The following NPHP4 variants were observed in gnomAD, a reference collection of about 807,000 sequenced individuals.
NPHP4 encodes the protein nephrocystin 4.
Under a neutral mutation model 155.8 loss-of-function variants are expected in NPHP4, and 151 were observed. That is an observed-to-expected ratio of 0.97 (90% CI 0.85 to 1.11). The LOEUF (loss-of-function observed/expected upper bound fraction) is 1.11. Ranked by LOEUF, NPHP4 falls within the 50% of genes least tolerant of loss-of-function variation. The pLI is 0.00. For missense variants in NPHP4, 1,956 were observed against 1,925.7 expected, an observed-to-expected ratio of 1.02 and a Z score of -0.29; for synonymous variants, 845 against 816.8, an observed-to-expected ratio of 1.03 and a Z score of -0.59.
In NPHP4 at chr1:5,972,064, T is replaced by C. The variant is rs547895782; in HGVS notation, c.280-2805A>G. 2.6e-5 allele frequency among the ~76,000 whole-genome samples: 4 copies of C among 152,384 alleles called. No homozygotes were observed. The South Asian group carries it at 8.3e-4, about 32-fold the overall frequency. On this transcript the variant is annotated intron_variant, in intron 3 of 29. Transcript: ENST00000378156. Reference sequence around the variant, plus strand: ...AAGTGGAATTGGGCCTCTGCCGATGTGCCTGGATGAAGAGGCCGCAGCCGG... The same window carrying C: ...AAGTGGAATTGGGCCTCTGCCGATGCGCCTGGATGAAGAGGCCGCAGCCGG...
intron 16 of NPHP4, among the ~76,000 whole-genome samples, chr1:5,904,394 T>C (rs1644814268): frequency 1.3e-5 from 2 of 152,240 alleles, no homozygotes; most frequent in African/African-American, 4.8e-5. Context: ...TTATATAATG[T>C]CTGGGATTTG....
At chr1:5,959,990 C>T (rs1307501771) in intron 6 of NPHP4, among the ~76,000 whole-genome samples, 5 of 152,214 alleles carry the variant, frequency 3.3e-5, no homozygotes, top group Non-Finnish European at 5.9e-5. Context: ...CATCTCACAG[C>T]GGCGCCTACA....
intron 11 of NPHP4, among the ~76,000 whole-genome samples, chr1:5,926,169 C>A (rs1305028433): frequency 6.6e-6 from 1 of 152,068 alleles, no homozygotes; most frequent in East Asian, 1.9e-4. Context: ...AAACAGAAAT[C>A]TTGAGAACAA....
At position 5,947,104 on chromosome 1, in the gene NPHP4, A is replaced by T; in HGVS notation, c.1119T>A (p.Asn373Lys). Residue 373 changes from asparagine to lysine, a missense_variant and splice_region_variant, in exon 9 of 30, where the codon AAT becomes AAA. By Grantham distance (94) the Asn-to-Lys change is moderately conservative. Coordinates refer to ENST00000378156, the MANE Select transcript of NPHP4 (RefSeq NM_015102.5). ...VFSSPAGVDG[N>K]AASVTSLSNL... ...CCGAGTGCAAAAGGGCTGTTCTTACATTGCCGTCCACTCCTGCAGGGCTGC... is the reference window on the plus strand; with the variant it reads ...CCGAGTGCAAAAGGGCTGTTCTTACTTTGCCGTCCACTCCTGCAGGGCTGC... The T allele has an allele frequency of 6.2e-7, 1 of 1,613,994 alleles. No individual in the cohort carries two copies. Among genetic ancestry groups the T allele is most frequent in the Non-Finnish European group, 8.5e-7 (1 of 1,179,874 alleles).
chr1:5,927,712 C>T lies in NPHP4; in HGVS notation c.1378G>A (p.Glu460Lys), dbSNP rs1646078352. Residue 460 changes from glutamate to lysine, a missense_variant, in exon 11 of 30, where the codon GAG (glutamate) becomes AAG (lysine). Glu to Lys is a moderately conservative substitution (Grantham distance 56, BLOSUM62 1). Coordinates refer to ENST00000378156, the MANE Select transcript of NPHP4 (RefSeq NM_015102.5). ...TCCACTTTGGGGCCACTGACAGGCT[C>T]CGTGGGTGCATCCAGGTGTTCTTCT... ...GSEEHLDAPT[E>K]PVSGPKVERR... 6.2e-7 allele frequency: 1 copy of T among 1,613,614 alleles called. No homozygotes were observed. Among genetic ancestry groups the T allele is most frequent in the African/African-American group, 1.3e-5 (1 of 75,002 alleles).
intron 7 of NPHP4, among the ~76,000 whole-genome samples, chr1:5,951,253 G>A (rs1051008573): frequency 1.8e-4 from 28 of 152,216 alleles, no homozygotes; most frequent in Non-Finnish European, 3.2e-4. Context: ...GTGTCGCGCA[G>A]TCACACAATT....
rs1286058675 is a variant in NPHP4 at position 5,939,197 on chromosome 1, A to G, written c.1120-5868T>C. Among the ~76,000 whole-genome samples the G allele has an allele frequency of 2.0e-5, 3 of 152,360 alleles. No homozygotes were observed. In the South Asian group the frequency reaches 6.2e-4, roughly 32 times the overall value. ...TCATGTTATTCTACTGAGTGCAGTAATTATTTTTAAAAATATACATGAATA... is the reference window on the plus strand; with the variant it reads ...TCATGTTATTCTACTGAGTGCAGTAGTTATTTTTAAAAATATACATGAATA... On this transcript the variant is annotated intron_variant, in intron 9 of 29. Transcript: ENST00000378156.
intron 16 of NPHP4, among the ~76,000 whole-genome samples, chr1:5,899,631 C>T (rs1442820855): frequency 6.6e-6 from 1 of 152,090 alleles, no homozygotes; most frequent in Non-Finnish European, 1.5e-5. Context: ...GGATCACAGA[C>T]CTAAATGTAA....
rs12142270 is a variant in NPHP4 at position 5,986,204 on chromosome 1, G to A, written c.86C>T (p.Thr29Met). The change falls in exon 2 of 30, where the codon ACG (threonine) becomes ATG (methionine). Residue 29 changes from threonine to methionine, a missense_variant. Physicochemically the swap from Thr to Met is moderately conservative, Grantham distance 81. Coordinates refer to ENST00000378156, the MANE Select transcript of NPHP4 (RefSeq NM_015102.5). Reference protein sequence around the residue: ...QRARQPWKESTAFQCVLKWLD... With the variant: ...QRARQPWKESMAFQCVLKWLD... ...CCACTTGAGGACACACTGGAATGCC[G>A]TGGATTCCTTCCAAGGCTGGCGCGC... 0.029 allele frequency: 46,131 copies of A among 1,613,662 alleles called. 922 individuals are homozygous for A. The highest frequency in any genetic ancestry group is 0.089 in the African/African-American group (6,641 of 75,010).
At chr1:5,926,105 G>A (rs1269619512) in intron 11 of NPHP4, among the ~76,000 whole-genome samples, 1 of 152,166 alleles carries the variant, frequency 6.6e-6, no homozygotes, top group Non-Finnish European at 1.5e-5. Context: ...AAGGGGGACT[G>A]TACATTTCAG....
At chr1:5,934,041 G>C (rs911165785) in intron 9 of NPHP4, among the ~76,000 whole-genome samples, 1 of 152,146 alleles carries the variant, frequency 6.6e-6, no homozygotes, top group African/African-American at 2.4e-5. Flanking sequence ...ACTGAGTAAA[G>C]AGTTTTAAAA....
intron 4 of NPHP4, among the ~76,000 whole-genome samples, chr1:5,968,655 T>C (rs1463745355): frequency 2.6e-5 from 4 of 151,128 alleles, no homozygotes; most frequent in Non-Finnish European, 5.9e-5. Flanking sequence ...ACTATGCTAT[T>C]ATGGACACAC....
chr1:5,919,184 A>G (rs1443677619), intron 11 of NPHP4, among the ~76,000 whole-genome samples: 2 of 152,248 alleles, frequency 1.3e-5, no homozygotes, highest in African/African-American at 4.8e-5. Flanking sequence ...TTACAGAAAA[A>G]GTTTGCTGAC....
At chr1:5,939,600 G>A (rs972360894) in intron 9 of NPHP4, among the ~76,000 whole-genome samples, 1 of 152,212 alleles carries the variant, frequency 6.6e-6, no homozygotes, top group Non-Finnish European at 1.5e-5. Context: ...GGGTCTCACA[G>A]AGCCAATGAA....
chr1:5,938,202 C>T (rs1646643791), intron 9 of NPHP4, among the ~76,000 whole-genome samples: 1 of 152,234 alleles, frequency 6.6e-6, no homozygotes, highest in African/African-American at 2.4e-5. Context: ...GAGGGCAAGT[C>T]CTTCCCGATG....
rs765362664 is a variant in NPHP4, at chr1:5,933,307, G to A, written c.1142C>T (p.Ser381Phe). ...GACCATGTGCATGCATGCCAGGTTG[G>A]ACAGAGAGGTGACCGAAGCTGCCTA... ...DGNAASVTSL[S>F]NLACMHMVRW... Residue 381 changes from serine (S) to phenylalanine (F), a missense_variant, in exon 10 of 30, where the codon TCC (serine) becomes TTC (phenylalanine). Transcript: ENST00000378156. The A allele has an allele frequency of 1.2e-6, 2 of 1,613,078 alleles. No individual in the cohort carries two copies. Among genetic ancestry groups the A allele is most frequent in the Non-Finnish European group, 1.7e-6 (2 of 1,179,816 alleles).
intron 2 of NPHP4, among the ~76,000 whole-genome samples, chr1:5,981,035 G>A (rs1477209150): frequency 6.6e-6 from 1 of 152,084 alleles, no homozygotes; most frequent in Non-Finnish European, 1.5e-5. Context: ...CATCTACAAC[G>A]TGAGCTCTCT....
chr1:5,938,270 G>A (rs893942424), intron 9 of NPHP4, among the ~76,000 whole-genome samples: 1 of 152,228 alleles, frequency 6.6e-6, no homozygotes, highest in South Asian at 2.1e-4. Context: ...CCCTTGAGGC[G>A]AACTTCACAA....
Position 5,890,995 on chromosome 1 carries a change from C to G in NPHP4, c.2177G>C (p.Gly726Ala). The G allele has an allele frequency of 6.4e-7, 1 of 1,574,492 alleles. No homozygotes were observed. ...CTCACCTGGCTTCAGGAACCCAGGG[C>G]CCACCATGTACCTCAGCTGGAAGCC... ...SPGFQLRYMV[G>A]PGFLKPGERR... Residue 726 changes from glycine (G) to alanine (A), a missense_variant, in exon 17 of 30, where the codon GGC (glycine) becomes GCC (alanine). Coordinates refer to ENST00000378156, the MANE Select transcript of NPHP4 (RefSeq NM_015102.5). This position sits in a 1 kb window ranked among gnomAD's most constrained non-coding sequence, Gnocchi z 4.9.
Sources: allele counts gnomAD v4.1 joint callset (sites outside exome capture counted in the v4.1 genomes callset), GRCh38; gene constraint gnomAD v4.1.1; non-coding constraint Gnocchi (gnomAD v3.1); transcripts MANE v1.5; gene names NCBI Gene and HGNC (gene_info 2026-07-23, HGNC 2026-07-21).